The following MPDZ variants were observed in gnomAD, a reference collection of about 807,000 sequenced individuals.
MPDZ encodes multiple PDZ domain protein.
Under a neutral mutation model 239.1 loss-of-function variants are expected in MPDZ, and 234 were observed. The ratio of observed to expected loss-of-function variants is 0.98; its 90% CI spans 0.88 to 1.09. The LOEUF is 1.09. MPDZ is among the 50% of genes least tolerant of loss of function. The probability of loss-of-function intolerance (pLI) is 0.00; values close to 1 mark genes in which losing one functional copy is unlikely to be tolerated. For missense variants in MPDZ, 3,175 were observed against 2,510.0 expected (o/e 1.26, Z -5.66); for synonymous variants, 1,048 against 881.3 (o/e 1.19, Z -3.35).
At chr9:13,245,126 T>G (rs1966301739) in intron 3 of MPDZ, among the ~76,000 whole-genome samples, 1 of 151,962 alleles carries the variant, frequency 6.6e-6, no homozygotes, top group Non-Finnish European at 1.5e-5. Context: ...ATTCATTAAT[T>G]ATTAAATTAT....
Position 13,222,296 on chromosome 9 carries a change from A to C in MPDZ, c.684T>G (p.Leu228=), listed in dbSNP as rs563278411. 8.7e-6 allele frequency: 14 copies of C among 1,612,952 alleles called. No individual in the cohort carries two copies. The highest frequency in any genetic ancestry group is 2.7e-5 in the African/African-American group (2 of 74,980). The part of the protein sequence containing the change: ...LVIARGSLPQ[L]VSPIVSRSPS... ...GAGAACGGGAAACTATGGGGCTGAC[A>C]AGCTGAGGCAATGAGCCTCTGGCAA... Residue 228 remains leucine (L), a synonymous_variant, in exon 6 of 47, where the codon CTT becomes CTG. Coordinates refer to ENST00000319217, the MANE Select transcript of MPDZ (RefSeq NM_001378778.1).
chr9:13,162,243 AAC>A (rs1175463636), intron 23 of MPDZ, among the ~76,000 whole-genome samples: 1 of 150,356 alleles, frequency 6.7e-6, no homozygotes, highest in African/African-American at 2.5e-5. Context: ...TAGCCTGAGC[AAC>A]AGAGTGAGGC....
intron 17 of MPDZ, among the ~76,000 whole-genome samples, chr9:13,186,656 C>G (rs1587628163): frequency 6.6e-6 from 1 of 151,830 alleles, no homozygotes; most frequent in Admixed American, 6.6e-5. Context: ...ATTTTTCATT[C>G]TTCTTATAAG....
Position 13,111,926 on chromosome 9 carries a change from A to C in MPDZ, c.5724+98T>G, listed in dbSNP as rs143183151. On this transcript the variant is annotated intron_variant, in intron 43 of 46. Transcript: ENST00000319217. Reference sequence around the variant, plus strand: ...AGATGATTTAAAAGTAAATATAGATATTTAAAACTGCCTTGCAACAGGTAG... The same window carrying C: ...AGATGATTTAAAAGTAAATATAGATCTTTAAAACTGCCTTGCAACAGGTAG... 11 of 1,274,986 alleles carry C rather than the reference A, an allele frequency of 8.6e-6. No individual in the cohort carries two copies. The African/African-American group carries it at 1.6e-4, about 19-fold the overall frequency. 79.0% of individuals were successfully genotyped at this position (1,274,986 alleles called of 1,614,324 possible).
chr9:13,143,837 C>G (rs1948076367), intron 26 of MPDZ, among the ~76,000 whole-genome samples: 1 of 152,096 alleles, frequency 6.6e-6, no homozygotes, highest in Non-Finnish European at 1.5e-5. Flanking sequence ...TGCTCAATGT[C>G]TTCGGTATTA....
At chr9:13,115,141 A>G in intron 40 of MPDZ, 107 bp downstream of exon 40, 1 of 876,142 alleles carries the variant, frequency 1.1e-6, no homozygotes, top group Admixed American at 2.1e-5. Flanking sequence ...TCACTATCCC[A>G]CGCTGCCAGG....
At chr9:13,220,892 A>G (rs764491670) in intron 7 of MPDZ, among the ~76,000 whole-genome samples, 4 of 152,048 alleles carry the variant, frequency 2.6e-5, no homozygotes, top group Non-Finnish European at 4.4e-5. Flanking sequence ...TAATGCCTCA[A>G]TAAACTACTC....
chr9:13,195,945 C>A (rs998056689), intron 13 of MPDZ, among the ~76,000 whole-genome samples, 176 bp downstream of exon 13: 1 of 152,106 alleles, frequency 6.6e-6, no homozygotes, highest in Non-Finnish European at 1.5e-5. Flanking sequence ...TTACTATATA[C>A]CTTTCTCCAA....
intron 19 of MPDZ, among the ~76,000 whole-genome samples, chr9:13,178,172 T>C (rs1305794085): frequency 6.7e-6 from 1 of 149,484 alleles, no homozygotes; most frequent in Non-Finnish European, 1.5e-5. Context: ...GGCAGGAGAA[T>C]GGCGTGAATC....
intron 9 of MPDZ, 46 bp from the exon 10 acceptor site, chr9:13,216,908 CAAAGAA>C: frequency 7.1e-7 from 1 of 1,413,334 alleles, no homozygotes; most frequent in Non-Finnish European, 9.9e-7. Context: ...AAAGCACATT[CAAAGAA>C]TATCCATCTT....
At chr9:13,160,846 AT>A (rs1950383106) in intron 23 of MPDZ, among the ~76,000 whole-genome samples, 1 of 105,234 alleles carries the variant, frequency 9.5e-6, no homozygotes, top group Non-Finnish European at 2.1e-5. Flanking sequence ...ATATATATAT[AT>A]ATATATATAT....
At chr9:13,231,447 A>G (rs1488482155) in intron 3 of MPDZ, among the ~76,000 whole-genome samples, 2 of 152,068 alleles carry the variant, frequency 1.3e-5, no homozygotes, top group South Asian at 2.1e-4. Flanking sequence ...CGCACCCATA[A>G]TCTCAGCTAC....
At chr9:13,186,221 A>G in intron 18 of MPDZ, 49 bp downstream of exon 18, 1 of 1,027,044 alleles carries the variant, frequency 9.7e-7, no homozygotes, top group Middle Eastern at 2.1e-4. Flanking sequence ...AGGCAAAGTA[A>G]GACATATCAG....
chr9:13,126,038 T>C (rs1300751543), intron 34 of MPDZ, among the ~76,000 whole-genome samples: 1 of 152,064 alleles, frequency 6.6e-6, no homozygotes, highest in African/African-American at 2.4e-5. Flanking sequence ...CACTAATAAA[T>C]AAAAGGCCTC....
intron 24 of MPDZ, among the ~76,000 whole-genome samples, chr9:13,152,132 G>A (rs962971555): frequency 6.6e-6 from 1 of 152,024 alleles, no homozygotes; most frequent in Non-Finnish European, 1.5e-5. Flanking sequence ...TCAAGGGAAA[G>A]AACACTCCTG....
In MPDZ at chr9:13,147,630, C is replaced by G; in HGVS notation, c.3659G>C (p.Ser1220Thr). The change falls in exon 26 of 47, where the codon AGC (serine) becomes ACC (threonine). Residue 1220 changes from serine to threonine, a missense_variant. Ser to Thr is a moderately conservative substitution (Grantham distance 58). Coordinates refer to ENST00000319217, the MANE Select transcript of MPDZ (RefSeq NM_001378778.1). ...EVDGMDLRDA[S>T]HEQAVEAIRK... ...AATGGCTTCCACAGCTTGTTCATGG[C>G]TTGCATCTCTGAGGTCCATTCCATC... 1 of 1,612,186 alleles carries G rather than the reference C, an allele frequency of 6.2e-7. No homozygotes were observed.
At position 13,113,911 on chromosome 9, in the gene MPDZ, A is replaced by C; in HGVS notation, c.5557+20T>G. The C allele has an allele frequency of 6.4e-7, 1 of 1,556,558 alleles. No individual in the cohort carries two copies. Among genetic ancestry groups the C allele is most frequent in the Non-Finnish European group, 8.7e-7 (1 of 1,145,886 alleles). On this transcript the variant is annotated intron_variant, in intron 41 of 46. Transcript: ENST00000319217. The stretch of plus-strand genomic sequence containing the variant: ...GACAGCCAAATTCAAACCATGTTTA[A>C]AATACTGAACCAATCTTACATGCAT...
At chr9:13,267,391 A>C (rs1022937064) in intron 1 of MPDZ, among the ~76,000 whole-genome samples, 1 of 152,160 alleles carries the variant, frequency 6.6e-6, no homozygotes, top group Non-Finnish European at 1.5e-5. Flanking sequence ...TTTTCAGACA[A>C]GAAAATTGAG....
chr9:13,195,115 C>A (rs991126701), intron 13 of MPDZ, among the ~76,000 whole-genome samples: 1 of 151,910 alleles, frequency 6.6e-6, no homozygotes, highest in African/African-American at 2.4e-5. Context: ...TGGCAAAACC[C>A]AGTCTCTACA....
Sources: allele counts gnomAD v4.1 joint callset (sites outside exome capture counted in the v4.1 genomes callset), GRCh38; gene constraint gnomAD v4.1.1; transcripts MANE v1.5; gene names NCBI Gene and HGNC (gene_info 2026-07-23, HGNC 2026-07-21).